The following LRRC4C variants were observed in gnomAD, a reference collection of about 807,000 sequenced individuals.
The protein encoded by LRRC4C is leucine-rich repeat-containing protein 4C.
A neutral mutation model predicts 33.6 loss-of-function variants in LRRC4C; 5 were observed. The ratio of observed to expected loss-of-function variants is 0.15; its 90% CI spans 0.08 to 0.31. The LOEUF (loss-of-function observed/expected upper bound fraction) is 0.31, where lower values mean the gene tolerates loss of function less well. Among genes scored for constraint, LRRC4C ranks in the 10% least tolerant of loss-of-function variants. The pLI is 1.00. For synonymous variants in LRRC4C, 329 were observed against 302.0 expected (o/e 1.09, Z -0.93); for missense variants, 560 against 796.7 (o/e 0.70, Z 3.58).
chr11:41,144,177 A>G (rs928336869), intron 1 of LRRC4C, among the ~76,000 whole-genome samples: 1 of 152,162 alleles, frequency 6.6e-6, no homozygotes, highest in African/African-American at 2.4e-5. Context: ...GCAGCTCAAG[A>G]TGGAGTATAA....
chr11:40,696,212 T>C (rs1290260041), intron 2 of LRRC4C, among the ~76,000 whole-genome samples: 1 of 147,372 alleles, frequency 6.8e-6, no homozygotes, highest in Admixed American at 6.8e-5. Flanking sequence ...GTATTATATG[T>C]ATATGAATTA....
At chr11:41,340,154 A>G (rs1951582693) in intron 1 of LRRC4C, among the ~76,000 whole-genome samples, 1 of 152,202 alleles carries the variant, frequency 6.6e-6, no homozygotes, top group Admixed American at 6.5e-5. Flanking sequence ...ACAGAATGAG[A>G]ACACAGAGGA....
chr11:41,127,993 C>T (rs1942829977), intron 1 of LRRC4C, among the ~76,000 whole-genome samples: 1 of 152,102 alleles, frequency 6.6e-6, no homozygotes, highest in Non-Finnish European at 1.5e-5. Context: ...GGCCCTGAAT[C>T]TCTTACCCTT....
intron 3 of LRRC4C, among the ~76,000 whole-genome samples, chr11:40,408,745 T>C (rs767897554): frequency 1.3e-5 from 2 of 151,910 alleles, no homozygotes; most frequent in African/African-American, 4.8e-5. Context: ...ATGAAAACTA[T>C]AAAACACTAC....
intron 2 of LRRC4C, among the ~76,000 whole-genome samples, chr11:40,760,925 A>G (rs1004814880): frequency 4.0e-5 from 6 of 149,182 alleles, no homozygotes; most frequent in Non-Finnish European, 8.9e-5. Flanking sequence ...TTGTAAAGAC[A>G]GAGTTTCTGG....
chr11:40,966,557 T>A (rs1565251405), intron 1 of LRRC4C, among the ~76,000 whole-genome samples: 1 of 151,992 alleles, frequency 6.6e-6, no homozygotes, highest in South Asian at 2.1e-4. Flanking sequence ...TCCTTTCTAC[T>A]TTTTCCCTTC....
At chr11:40,922,894 C>G (rs1957245705) in intron 2 of LRRC4C, among the ~76,000 whole-genome samples, 1 of 152,082 alleles carries the variant, frequency 6.6e-6, no homozygotes, top group Non-Finnish European at 1.5e-5. Flanking sequence ...GGCGCAAACT[C>G]TGCTCACTGC....
At chr11:41,087,073 A>G (rs1483923076) in intron 1 of LRRC4C, among the ~76,000 whole-genome samples, 1 of 152,130 alleles carries the variant, frequency 6.6e-6, no homozygotes, top group Non-Finnish European at 1.5e-5. Context: ...ACATGGAATA[A>G]ATTGCACCAC....
At chr11:40,853,618 G>C (rs1203675672) in intron 2 of LRRC4C, among the ~76,000 whole-genome samples, 1 of 152,050 alleles carries the variant, frequency 6.6e-6, no homozygotes, top group Admixed American at 6.6e-5. Context: ...CTACTGACTT[G>C]TTCTAAACTA....
intron 2 of LRRC4C, among the ~76,000 whole-genome samples, chr11:40,816,071 T>C (rs1351433076): frequency 6.6e-6 from 1 of 152,208 alleles, no homozygotes; most frequent in Non-Finnish European, 1.5e-5. Context: ...CCACTTTTAC[T>C]AAATGAGAGA....
intron 3 of LRRC4C, among the ~76,000 whole-genome samples, chr11:40,531,792 T>G (rs1020460376): frequency 6.6e-6 from 1 of 151,904 alleles, no homozygotes; most frequent in Non-Finnish European, 1.5e-5. Flanking sequence ...ATATAAAATT[T>G]ATGTTTGTTT....
chr11:40,377,049 C>G (rs1948687802), intron 3 of LRRC4C, among the ~76,000 whole-genome samples: 1 of 152,200 alleles, frequency 6.6e-6, no homozygotes, highest in Non-Finnish European at 1.5e-5. Flanking sequence ...AAAATCTTCA[C>G]CATGTGTTTA....
At chr11:40,190,420 G>C (rs1245924448) in intron 5 of LRRC4C, among the ~76,000 whole-genome samples, 2 of 152,210 alleles carry the variant, frequency 1.3e-5, no homozygotes. Flanking sequence ...GGTTCTGCCA[G>C]ACTTGGGAAC....
chr11:40,248,537 C>A (rs1866521841), intron 4 of LRRC4C, among the ~76,000 whole-genome samples: 1 of 151,966 alleles, frequency 6.6e-6, no homozygotes, highest in Non-Finnish European at 1.5e-5. Flanking sequence ...TTGAGATCAT[C>A]CCGGGTAACA....
intron 3 of LRRC4C, among the ~76,000 whole-genome samples, chr11:40,480,339 G>A (rs1036252257): frequency 5.4e-5 from 8 of 149,292 alleles, no homozygotes; most frequent in African/African-American, 2.0e-4. Context: ...TCCCATCTAT[G>A]AATTAAAATA....
rs544973925 is a variant in LRRC4C, at chr11:40,547,325, G to C, written c.-270+100817C>G. Among the ~76,000 whole-genome samples, 11 of 152,144 alleles carry C rather than the reference G, an allele frequency of 7.2e-5. No individual in the cohort carries two copies. The East Asian group carries it at 2.1e-3, about 29-fold the overall frequency. ...AAAATCATGGCACTGAAAGGCTAAA[G>C]TACTAGAAGTGATCTTGAAGCCAAA... On this transcript the variant is annotated intron_variant, in intron 3 of 6. Coordinates refer to ENST00000528697, the MANE Select transcript of LRRC4C (RefSeq NM_001258419.2).
intron 2 of LRRC4C, among the ~76,000 whole-genome samples, chr11:40,816,447 C>A (rs1951708707): frequency 6.6e-6 from 1 of 152,106 alleles, no homozygotes; most frequent in Non-Finnish European, 1.5e-5. Flanking sequence ...AACTACTCTG[C>A]CTGAAGTTTG....
intron 3 of LRRC4C, among the ~76,000 whole-genome samples, chr11:40,573,528 GT>G (rs1349409335): frequency 1.3e-5 from 2 of 151,984 alleles, no homozygotes; most frequent in Non-Finnish European, 2.9e-5. Flanking sequence ...TCAGTTCCAG[GT>G]TTGACACCAC....
At chr11:40,753,657 T>A (rs1948804214) in intron 2 of LRRC4C, among the ~76,000 whole-genome samples, 3 of 151,282 alleles carry the variant, frequency 2.0e-5, no homozygotes, top group African/African-American at 7.3e-5. Flanking sequence ...TTTCCTAGAA[T>A]ACTACATAAT....
Sources: gnomAD v4.1 joint callset for allele counts (sites outside exome capture counted in the v4.1 genomes callset) on GRCh38, gnomAD v4.1.1 for gene constraint, MANE v1.5 for transcripts, NCBI Gene and HGNC (gene_info 2026-07-23, HGNC 2026-07-21) for gene names.